The following CPLX2 variants were observed in gnomAD, a reference collection of about 807,000 sequenced individuals.
The protein encoded by CPLX2 is complexin-2.
CPLX2 carries 5 observed loss-of-function variants against 16.3 expected under a neutral mutation model. The ratio of observed to expected loss-of-function variants is 0.31; its 90% CI spans 0.16 to 0.64. The LOEUF (loss-of-function observed/expected upper bound fraction) is 0.64. CPLX2 is among the 30% of genes least tolerant of loss of function. The probability of loss-of-function intolerance (pLI) is 0.79; values close to 1 mark genes in which losing one functional copy is unlikely to be tolerated. For synonymous variants in CPLX2, 89 were observed against 73.2 expected, an observed-to-expected ratio of 1.22 and a Z score of -1.10; for missense variants, 144 against 181.4, an observed-to-expected ratio of 0.79 and a Z score of 1.18.
intron 1 of CPLX2, chr5:175,805,745 T>C (rs1387820641): frequency 6.6e-6 from 1 of 152,368 alleles, no homozygotes; most frequent in African/African-American, 2.4e-5. Context: ...AGTCAGGTGG[T>C]AGGGGAAGCC....
At position 175,872,183 on chromosome 5, in the gene CPLX2, C is replaced by G. The variant is rs977431001; in HGVS notation, c.-89+478C>G. ...GAGGAGGGAGTCGCCCCCAGGGGTA[C>G]AGTGCGCACTCCCGGAGTGAGTCAG... is the stretch of plus-strand genomic sequence containing the variant. On this transcript the variant is annotated intron_variant, in intron 1 of 3. Coordinates refer to ENST00000393745, the MANE Select transcript of CPLX2 (RefSeq NM_001008220.2). This position sits in a 1 kb window ranked among gnomAD's most constrained non-coding sequence, Gnocchi z 5.0. The G allele has an allele frequency of 9.2e-5, 14 of 152,266 alleles. No individual in the cohort carries two copies. Among genetic ancestry groups the G allele is most frequent in the Non-Finnish European group, 8.8e-5 (6 of 68,124 alleles). 9.4% of individuals were successfully genotyped at this position (152,266 alleles called of 1,614,324 possible). A position where few individuals can be genotyped will look rare whatever the true frequency, so the allele number is the denominator to read the frequency against.
chr5:175,818,116 A>G (rs754307265), intron 2 of CPLX2, among the ~76,000 whole-genome samples: 4 of 152,094 alleles, frequency 2.6e-5, no homozygotes, highest in African/African-American at 4.8e-5. Flanking sequence ...TAACATGGAA[A>G]CCATTTGAGT....
chr5:175,822,341 A>G (rs1406805443), intron 2 of CPLX2, among the ~76,000 whole-genome samples: 1 of 152,138 alleles, frequency 6.6e-6, no homozygotes, highest in Admixed American at 6.5e-5. Context: ...GACCACGTGG[A>G]CTTTGATGTC....
intron 2 of CPLX2, among the ~76,000 whole-genome samples, chr5:175,842,584 G>C (rs771463464): frequency 5.9e-5 from 9 of 152,348 alleles, no homozygotes; most frequent in Non-Finnish European, 1.2e-4. Context: ...TCTCTGCAGA[G>C]TCCAGCACCC....
intron 1 of CPLX2, among the ~76,000 whole-genome samples, chr5:175,805,251 A>T (rs1361016694): frequency 6.6e-6 from 1 of 152,234 alleles, no homozygotes; most frequent in East Asian, 1.9e-4. Context: ...TTGAGTAAGC[A>T]TAAGATATAT....
At chr5:175,877,926 C>A (rs1160994216) in intron 1 of CPLX2, among the ~76,000 whole-genome samples, 1 of 152,178 alleles carries the variant, frequency 6.6e-6, no homozygotes, top group Non-Finnish European at 1.5e-5. Flanking sequence ...AAGGCCCGTG[C>A]TAGGTAGTTT....
At chr5:175,833,719 A>C (rs901781795) in intron 2 of CPLX2, among the ~76,000 whole-genome samples, 3 of 152,134 alleles carry the variant, frequency 2.0e-5, no homozygotes, top group Non-Finnish European at 4.4e-5. Flanking sequence ...GGGAGGCTGG[A>C]GAGGGATTCC....
exon 1 of CPLX2, chr5:175,796,549 C>G (rs1423625636): frequency 2.0e-5 from 3 of 152,406 alleles, no homozygotes; most frequent in African/African-American, 7.2e-5. Context: ...AAGCTTGGGT[C>G]TCCCTGGGAG....
chr5:175,877,087 C>T (rs995217893), intron 1 of CPLX2, among the ~76,000 whole-genome samples: 1 of 152,158 alleles, frequency 6.6e-6, no homozygotes, highest in African/African-American at 2.4e-5. Flanking sequence ...CATTCAAGGG[C>T]AACCTTAATA....
chr5:175,868,620 G>A (rs1286688242), upstream of CPLX2, among the ~76,000 whole-genome samples: 3 of 152,072 alleles, frequency 2.0e-5, no homozygotes, highest in African/African-American at 7.2e-5. Context: ...CGCTGGATTA[G>A]AGATGCAGGA....
rs981500352 is a variant in CPLX2 at position 175,883,341 on chromosome 5, A to G, written c.*3296A>G. On this transcript the variant is annotated 3_prime_UTR_variant, in exon 4 of 4. Coordinates refer to ENST00000393745, the MANE Select transcript of CPLX2 (RefSeq NM_001008220.2). ...TCCCAGAAGGTGTCCTTAACTGCAAAGCTGTGCAGGGTACTCCTCCAGATG... is the reference window on the plus strand; with the variant it reads ...TCCCAGAAGGTGTCCTTAACTGCAAGGCTGTGCAGGGTACTCCTCCAGATG... 6.6e-6 allele frequency: 1 copy of G among 152,248 alleles called. No individual in the cohort carries two copies. Among genetic ancestry groups the G allele is most frequent in the Non-Finnish European group, 1.5e-5 (1 of 68,100 alleles). The allele number at this position is 152,248 out of a possible 1,614,324, so 9.4% of individuals were successfully genotyped here. A position where few individuals can be genotyped will look rare whatever the true frequency, so the allele number is the denominator to read the frequency against.
At chr5:175,864,344 A>G (rs1452233059) in intron 2 of CPLX2, among the ~76,000 whole-genome samples, 1 of 152,186 alleles carries the variant, frequency 6.6e-6, no homozygotes, top group Non-Finnish European at 1.5e-5. Context: ...GCTTTCATGC[A>G]TCAGGAGCAG....
chr5:175,869,241 T>A (rs994055132), upstream of CPLX2, among the ~76,000 whole-genome samples: 1 of 152,224 alleles, frequency 6.6e-6, no homozygotes, highest in Non-Finnish European at 1.5e-5. Flanking sequence ...GCTGCCTTCC[T>A]ATTCGCCAGT....
intron 1 of CPLX2, among the ~76,000 whole-genome samples, chr5:175,874,610 A>G (rs1284478411): frequency 6.6e-6 from 1 of 152,212 alleles, no homozygotes; most frequent in African/African-American, 2.4e-5. Context: ...AGAGAAAAAG[A>G]TGGGTGTGTG....
rs558227902 is a variant in CPLX2 at position 175,836,202 on chromosome 5, T to G, written c.-89+27134T>G. Among the ~76,000 whole-genome samples, 12 of 152,018 alleles carry G rather than the reference T, an allele frequency of 7.9e-5. No individual in the cohort carries two copies. In the East Asian group the frequency reaches 2.0e-3, roughly 25 times the overall value. On this transcript the variant is annotated intron_variant, in intron 2 of 4. Transcript: ENST00000359546. ...CGTCTCTACTAAAAATACAAAAAAT[T>G]AGCTGGGCGTGGTGGCGGGCACCTG... is the stretch of plus-strand genomic sequence containing the variant.
At position 175,838,266 on chromosome 5, in the gene CPLX2, C is replaced by CTT. The variant is rs1156770920; in HGVS notation, c.-89+29216_-89+29217dup. Among the ~76,000 whole-genome samples, 423 of 116,754 alleles carry CTT rather than the reference C, an allele frequency of 3.6e-3. 20 individuals are homozygous for CTT. The highest frequency in any genetic ancestry group is 8.5e-3 in the African/African-American group (254 of 29,900). 76.6% of individuals were successfully genotyped at this position (116,754 alleles called of 152,430 possible). ...AGCTAGCATTTCTCACCCCTCCTGT[C>CTT]TTTTTTTTTTTTTTTTTTTGAGATG... On this transcript the variant is annotated intron_variant, in intron 2 of 4. Transcript: ENST00000359546.
chr5:175,840,198 CAT>C (rs1012648249), intron 2 of CPLX2, among the ~76,000 whole-genome samples: 6 of 152,032 alleles, frequency 3.9e-5, no homozygotes, highest in African/African-American at 7.2e-5. Flanking sequence ...AAGCATAAAA[CAT>C]ATGTTTTTTT....
intron 2 of CPLX2, among the ~76,000 whole-genome samples, chr5:175,839,899 A>G (rs958460542): frequency 2.0e-5 from 3 of 152,270 alleles, no homozygotes; most frequent in African/African-American, 7.2e-5. Context: ...ATTCAAACTC[A>G]TTTGTACTGC....
chr5:175,800,087 G>T (rs1394730773), intron 1 of CPLX2, among the ~76,000 whole-genome samples: 3 of 152,162 alleles, frequency 2.0e-5, no homozygotes, highest in Admixed American at 2.0e-4. Flanking sequence ...GGTGCTAAAT[G>T]AGTAGTATTT....
Sources: allele counts gnomAD v4.1 joint callset (sites outside exome capture counted in the v4.1 genomes callset), GRCh38; gene constraint gnomAD v4.1.1; non-coding constraint Gnocchi (gnomAD v3.1); transcripts MANE v1.5; gene names NCBI Gene and HGNC (gene_info 2026-07-23, HGNC 2026-07-21).